Variants in TTN observed in about 807,000 individuals in gnomAD.
TTN encodes the protein connectin.
A neutral mutation model predicts 3,223.0 loss-of-function variants in TTN; 1,525 were observed. That is an observed-to-expected ratio of 0.47 (90% CI 0.45 to 0.49). The LOEUF is 0.49. Among genes scored for constraint, TTN ranks in the 20% least tolerant of loss-of-function variants. The pLI is 0.00. For synonymous variants in TTN, 14,094 were observed against 15,161.0 expected, an observed-to-expected ratio of 0.93 and a Z score of 5.17; for missense variants, 40,786 against 43,424.0, an observed-to-expected ratio of 0.94 and a Z score of 5.40.
At position 178,729,164 on chromosome 2, in the gene TTN, G is replaced by A. The variant is rs1180688317; in HGVS notation, c.18874C>T (p.Pro6292Ser). ...CSTRVALKEP[P>S]SFIKKIENTT... ...TTTTCTATCTTCTTAATGAATGATG[G>A]TGGTTCTGTGATTAAATAAGAGAGT... is the stretch of plus-strand genomic sequence containing the variant. Residue 6292 changes from proline to serine, a missense_variant, in exon 65 of 363, where the codon CCA becomes TCA. Pro to Ser is a moderately conservative substitution (Grantham distance 74). Coordinates refer to ENST00000589042, the MANE Select transcript of TTN (RefSeq NM_001267550.2). 1 of 1,576,778 alleles carries A rather than the reference G, an allele frequency of 6.3e-7. No individual in the cohort carries two copies. The highest frequency in any genetic ancestry group is 8.6e-7 in the Non-Finnish European group (1 of 1,162,408).
rs757352738 is a variant in TTN at position 178,764,316 on chromosome 2, C to T, written c.9989-14G>A. ...CAACTTCTGGAACTAAAGAAAGAAA[C>T]CACAAGATTTGTCATGATTAAGTCA... On this transcript the variant is annotated splice_polypyrimidine_tract_variant and intron_variant, in intron 42 of 362. Coordinates refer to ENST00000589042, the MANE Select transcript of TTN (RefSeq NM_001267550.2). 1.1e-5 allele frequency: 18 copies of T among 1,613,606 alleles called. No homozygotes were observed. The highest frequency in any genetic ancestry group is 1.5e-5 in the Non-Finnish European group (18 of 1,179,786).
Position 178,706,647 on chromosome 2 carries a change from C to T in TTN, c.29227G>A (p.Gly9743Ser), listed in dbSNP as rs368073588. 31 of 1,613,814 alleles carry T rather than the reference C, an allele frequency of 1.9e-5. No homozygotes were observed. The highest frequency in any genetic ancestry group is 2.5e-5 in the Non-Finnish European group (30 of 1,179,848). ...KGKWRQLNQG[G>S]RVFIHQKGDE... The stretch of plus-strand genomic sequence containing the variant: ...CCTTTTTGGTGGATGAAAACACGAC[C>T]TCCTTGGTTCAGCTGTCTCCACTTC... Residue 9743 changes from glycine (G) to serine (S), a missense_variant, in exon 102 of 363, where the codon GGT (glycine) becomes AGT (serine). By Grantham distance (56) the Gly-to-Ser change is moderately conservative. Transcript: ENST00000589042.
chr2:178,748,011 G>T (rs761237750), intron 47 of TTN: 5 of 1,612,774 alleles, frequency 3.1e-6, no homozygotes, highest in Non-Finnish European at 4.2e-6. Context: ...CCACCATCCT[G>T]CTTTGGAAAT....
At position 178,566,271 on chromosome 2, in the gene TTN, T is replaced by C. The variant is rs372537578; in HGVS notation, c.79861A>G (p.Thr26621Ala). Residue 26621 changes from threonine (T) to alanine (A), a missense_variant, in exon 326 of 363, where the codon ACG (threonine) becomes GCG (alanine). Coordinates refer to ENST00000589042, the MANE Select transcript of TTN (RefSeq NM_001267550.2). ...TCTCGAGACCAAGTGATCTCAGGCG[T>C]TGGACGACCTTTGAATGGAATGTGA... ...RIHIPFKGRP[T>A]PEITWSREEG... The C allele has an allele frequency of 1.7e-5, 27 of 1,613,588 alleles. No individual in the cohort carries two copies. The African/African-American group carries it at 2.9e-4, about 18-fold the overall frequency.
At chr2:178,685,135 T>A (rs2070510380) in intron 129 of TTN, 118 bp downstream of exon 129, 4 of 1,173,980 alleles carry the variant, frequency 3.4e-6, no homozygotes, top group Non-Finnish European at 4.8e-6. Context: ...ATACATGTGT[T>A]CTGACAAAAC....
chr2:178,749,973 G>A, intron 47 of TTN: 1 of 1,613,196 alleles, frequency 6.2e-7, no homozygotes, highest in South Asian at 1.1e-5. Context: ...CTGTGTTTTG[G>A]TGATTGAGTA....
rs771985157 is a variant in TTN at position 178,653,117 on chromosome 2, C to T, written c.38799G>A (p.Glu12933=). The T allele has an allele frequency of 6.2e-7, 1 of 1,612,640 alleles. No individual in the cohort carries two copies. Among genetic ancestry groups the T allele is most frequent in the Admixed American group, 1.7e-5 (1 of 59,842 alleles). ...TTTCAGGAACAACTTCTTTGGGAGC[C>T]TCTGGCACTTAAAAGATATTAGGTA... ...KPEVPPVKVP[E]APKEVVPEKK... The change falls in exon 199 of 363, where the codon GAG becomes GAA. Residue 12933 remains glutamate, a synonymous_variant. Transcript: ENST00000589042.
Position 178,740,713 on chromosome 2 carries a change from T to C in TTN, c.12520A>G (p.Thr4174Ala), listed in dbSNP as rs2082340421. Residue 4174 changes from threonine (T) to alanine (A), a missense_variant, in exon 48 of 363, where the codon ACA becomes GCA. Transcript: ENST00000589042. ...EGILMPEEPE[T>A]QAVLSDTEKI... The stretch of plus-strand genomic sequence containing the variant: ...TCGGTATCTGATAGAACTGCCTGTG[T>C]CTCAGGCTCTTCAGGCATTAGAATA... The C allele has an allele frequency of 6.2e-7, 1 of 1,613,880 alleles. No individual in the cohort carries two copies. The highest frequency in any genetic ancestry group is 1.1e-5 in the South Asian group (1 of 91,086).
rs372447571 is a variant in TTN, at chr2:178,603,960, G to C, written c.54727C>G (p.Gln18243Glu). The C allele has an allele frequency of 1.9e-6, 3 of 1,612,592 alleles. No individual in the cohort carries two copies. The highest frequency in any genetic ancestry group is 2.5e-6 in the Non-Finnish European group (3 of 1,179,050). ...VPRLLEGVKY[Q>E]FRAMAINAAG... The stretch of plus-strand genomic sequence containing the variant: ...GCATTTATTGCCATGGCTCTGAACT[G>C]GTATTTAACGCCTTCAAGCAAACGA... Residue 18243 changes from glutamine to glutamate, a missense_variant, in exon 282 of 363, where the codon CAG (glutamine) becomes GAG (glutamate). Transcript: ENST00000589042.
chr2:178,614,271 G>A lies in TTN; in HGVS notation c.49126C>T (p.Arg16376Cys), dbSNP rs772152172. Reference sequence around the variant, plus strand: ...GTGATCTTAGATCCACCATCATCGCGTGGTGGGTTCCATGTTAGAAGACAT... The same window carrying A: ...GTGATCTTAGATCCACCATCATCGCATGGTGGGTTCCATGTTAGAAGACAT... ...ESCLLTWNPP[R>C]DDGGSKITNY... Residue 16376 changes from arginine to cysteine, a missense_variant, in exon 262 of 363, where the codon CGC becomes TGC. Physicochemically the swap from Arg to Cys is radical, Grantham distance 180. Transcript: ENST00000589042. 29 of 1,612,528 alleles carry A rather than the reference G, an allele frequency of 1.8e-5. No homozygotes were observed. The highest frequency in any genetic ancestry group is 1.6e-4 in the East Asian group (7 of 44,632).
At position 178,562,251 on chromosome 2, in the gene TTN, T is replaced by C; in HGVS notation, c.83881A>G (p.Ile27961Val). The C allele has an allele frequency of 6.8e-6, 11 of 1,613,246 alleles. No individual in the cohort carries two copies. Among genetic ancestry groups the C allele is most frequent in the Non-Finnish European group, 9.3e-6 (11 of 1,179,596 alleles). ...GVPVIARDIE[I>V]KPSVELPFHT... is the part of the protein sequence containing the mutation. ...AAAGGAAGCTCAACTGAAGGCTTTA[T>C]TTCAATATCCCTTGCAATTACTGGC... The change falls in exon 326 of 363, where the codon ATA (isoleucine) becomes GTA (valine). Residue 27961 changes from isoleucine (I) to valine (V), a missense_variant. By Grantham distance (29) the Ile-to-Val change is conservative (BLOSUM62 3). Transcript: ENST00000589042.
chr2:178,727,163 G>C lies in TTN; in HGVS notation c.20202C>G (p.Asp6734Glu), dbSNP rs2079483133. 2 of 1,611,984 alleles carry C rather than the reference G, an allele frequency of 1.2e-6. No individual in the cohort carries two copies. Among genetic ancestry groups the C allele is most frequent in the Non-Finnish European group, 1.7e-6 (2 of 1,178,744 alleles). Residue 6734 changes from aspartate (D) to glutamate (E), a missense_variant, in exon 69 of 363, where the codon GAC becomes GAG. Coordinates refer to ENST00000589042, the MANE Select transcript of TTN (RefSeq NM_001267550.2). ...GAGCCTCACAAATGAAATCTCCACT[G>C]TCCTCAGTACTGAGATTGTTCATCT... is the stretch of plus-strand genomic sequence containing the variant. The part of the protein sequence containing the change: ...VIQMNNLSTE[D>E]SGDFICEAQN...
intron 1 of TTN, among the ~76,000 whole-genome samples, chr2:178,805,343 C>CA (rs34870064): frequency 0.089 from 7,978 of 89,478 alleles, 375 homozygotes; most frequent in South Asian, 0.18. Context: ...GACTCTGTCT[C>CA]AAAAAAAAAA....
At chr2:178,799,378 G>A (rs2093935751) in intron 6 of TTN, 109 bp downstream of exon 6, 7 of 1,557,992 alleles carry the variant, frequency 4.5e-6, no homozygotes, top group Non-Finnish European at 5.3e-6. Flanking sequence ...CTGAAGAAGC[G>A]AACCACTCTC....
In TTN at chr2:178,729,079, G is replaced by A; in HGVS notation, c.18959C>T (p.Pro6320Leu). The change falls in exon 65 of 363, where the codon CCT becomes CTT. Residue 6320 changes from proline to leucine, a missense_variant. Coordinates refer to ENST00000589042, the MANE Select transcript of TTN (RefSeq NM_001267550.2). ...TFQSTVAGSP[P>L]ISITWLKDDQ... is the part of the protein sequence containing the mutation. ...ATCCTTTAGCCAGGTTATAGAAATAGGAGGAGAACCTGCCACGGTACTCTG... is the reference window on the plus strand; with the variant it reads ...ATCCTTTAGCCAGGTTATAGAAATAAGAGGAGAACCTGCCACGGTACTCTG... 1 of 1,612,458 alleles carries A rather than the reference G, an allele frequency of 6.2e-7. No individual in the cohort carries two copies. The highest frequency in any genetic ancestry group is 8.5e-7 in the Non-Finnish European group (1 of 1,179,254).
rs1705592844 is a variant in TTN, at chr2:178,565,782, G to A, written c.80350C>T (p.Pro26784Ser). 6.2e-7 allele frequency: 1 copy of A among 1,613,454 alleles called. No homozygotes were observed. The highest frequency in any genetic ancestry group is 8.5e-7 in the Non-Finnish European group (1 of 1,179,644). ...AVKAAEPPSP[P>S]GKVTLTDVSQ... is the part of the protein sequence containing the mutation. ...ACATCAGTGAGTGTAACCTTTCCTG[G>A]TGGGGAAGGAGGTTCAGCAGCTTTC... Residue 26784 changes from proline to serine, a missense_variant, in exon 326 of 363, where the codon CCA becomes TCA. Transcript: ENST00000589042.
At chr2:178,748,659 T>G (rs1574229405) in intron 47 of TTN, 4 of 1,612,964 alleles carry the variant, frequency 2.5e-6, no homozygotes, top group Middle Eastern at 3.3e-4. Flanking sequence ...TTTATTTGAG[T>G]GTGAAACTGC....
Position 178,771,591 on chromosome 2 carries a change from T to C in TTN, c.7856-120A>G. On this transcript the variant is annotated intron_variant, in intron 33 of 362. Coordinates refer to ENST00000589042, the MANE Select transcript of TTN (RefSeq NM_001267550.2). ...AACATGATTTTGAAATCATGAAATG[T>C]CTATGATTGTTTTTACCCATATTGA... The C allele has an allele frequency of 2.8e-6, 4 of 1,420,390 alleles. No individual in the cohort carries two copies. The South Asian group carries it at 3.6e-5, about 13-fold the overall frequency. The allele number at this position is 1,420,390 out of a possible 1,614,324, so 88.0% of individuals were successfully genotyped here. A position where few individuals can be genotyped will look rare whatever the true frequency, so the allele number is the denominator to read the frequency against.
chr2:178,748,994 T>C, intron 47 of TTN: 1 of 1,612,396 alleles, frequency 6.2e-7, no homozygotes, highest in Non-Finnish European at 8.5e-7. Context: ...AACTCCTTTT[T>C]CTACATGTAA....
Sources: gnomAD v4.1 joint callset for allele counts (sites outside exome capture counted in the v4.1 genomes callset) on GRCh38, gnomAD v4.1.1 for gene constraint, MANE v1.5 for transcripts, NCBI Gene and HGNC (gene_info 2026-07-23, HGNC 2026-07-21) for gene names.